The following NCALD variants were observed in gnomAD, a reference collection of about 807,000 sequenced individuals.
NCALD encodes the protein neurocalcin delta.
Under a neutral mutation model 18.6 loss-of-function variants are expected in NCALD, and 10 were observed. That is an observed-to-expected ratio of 0.54 (90% CI 0.33 to 0.91). NCALD has a LOEUF of 0.91. Among genes scored for constraint, NCALD ranks in the 40% least tolerant of loss-of-function variants. The pLI is 0.03. For missense variants in NCALD, 184 were observed against 247.6 expected (o/e 0.74, Z 1.72); for synonymous variants, 88 against 87.4 (o/e 1.01, Z -0.04).
intron 4 of NCALD, among the ~76,000 whole-genome samples, chr8:101,877,266 G>A (rs867610316): frequency 6.6e-6 from 1 of 152,140 alleles, no homozygotes; most frequent in African/African-American, 2.4e-5. Flanking sequence ...CCCAGATTCC[G>A]TATTAATAAC....
intron 1 of NCALD, among the ~76,000 whole-genome samples, chr8:102,068,505 T>C (rs903417322): frequency 6.6e-6 from 1 of 152,178 alleles, no homozygotes; most frequent in African/African-American, 2.4e-5. Context: ...GAGTTGCTAT[T>C]GTCTCAGGTG....
chr8:101,924,890 A>C (rs1291688500), intron 2 of NCALD, among the ~76,000 whole-genome samples: 3 of 152,216 alleles, frequency 2.0e-5, no homozygotes, highest in Admixed American at 2.0e-4. Flanking sequence ...ATATAGATTT[A>C]AGAGGATTCA....
At chr8:102,021,891 A>G (rs1367869094) in intron 1 of NCALD, among the ~76,000 whole-genome samples, 5 of 150,814 alleles carry the variant, frequency 3.3e-5, no homozygotes, top group African/African-American at 7.4e-5. Flanking sequence ...GAAATACTCA[A>G]CCATGTCTGG....
At chr8:101,732,561 T>C (rs1383528723) in intron 1 of NCALD, among the ~76,000 whole-genome samples, 2 of 151,650 alleles carry the variant, frequency 1.3e-5, no homozygotes, top group African/African-American at 4.8e-5. Flanking sequence ...GAGATTCTGG[T>C]TGCAATTCAG....
intron 2 of NCALD, among the ~76,000 whole-genome samples, chr8:101,992,840 G>T (rs1426950985): frequency 2.0e-5 from 3 of 151,686 alleles, no homozygotes; most frequent in Non-Finnish European, 4.4e-5. Flanking sequence ...CCTTTACTGA[G>T]CTCTTACTAT....
chr8:101,746,534 G>A (rs1453653480), intron 1 of NCALD, among the ~76,000 whole-genome samples: 1 of 152,130 alleles, frequency 6.6e-6, no homozygotes, highest in Non-Finnish European at 1.5e-5. Context: ...ATTCAAGGCA[G>A]AGCTTCATAG....
intron 2 of NCALD, among the ~76,000 whole-genome samples, chr8:101,704,477 C>T (rs115777611): frequency 6.0e-4 from 91 of 152,118 alleles, no homozygotes; most frequent in African/African-American, 2.1e-3. Flanking sequence ...TGTGAGAGGC[C>T]GCGGTGACTT....
intron 2 of NCALD, among the ~76,000 whole-genome samples, chr8:101,713,258 C>T (rs1015833871): frequency 2.0e-5 from 3 of 152,186 alleles, no homozygotes; most frequent in African/African-American, 7.2e-5. Flanking sequence ...ATCAGAATCT[C>T]TGGGACACAG....
chr8:101,881,854 G>C (rs1274835386), intron 4 of NCALD, among the ~76,000 whole-genome samples: 1 of 151,666 alleles, frequency 6.6e-6, no homozygotes, highest in Non-Finnish European at 1.5e-5. Context: ...GAGAATTATA[G>C]AACTGCAAAG....
chr8:101,871,323 A>G (rs1291163711), intron 4 of NCALD, among the ~76,000 whole-genome samples: 1 of 152,204 alleles, frequency 6.6e-6, no homozygotes, highest in African/African-American at 2.4e-5. Context: ...AAAAATCTGG[A>G]AAGACACAAA....
At chr8:101,809,283 C>A (rs1160531767) in intron 4 of NCALD, among the ~76,000 whole-genome samples, 2 of 152,176 alleles carry the variant, frequency 1.3e-5, no homozygotes, top group African/African-American at 2.4e-5. Context: ...AAAATCACTA[C>A]AGGAGTAAAA....
intron 2 of NCALD, among the ~76,000 whole-genome samples, chr8:101,942,404 A>G (rs1181375951): frequency 6.6e-6 from 1 of 152,214 alleles, no homozygotes; most frequent in African/African-American, 2.4e-5. Flanking sequence ...CTGTGAAGAG[A>G]TCACAGTCCA....
chr8:102,103,301 C>T (rs1825347545), intron 1 of NCALD, among the ~76,000 whole-genome samples: 1 of 152,146 alleles, frequency 6.6e-6, no homozygotes, highest in African/African-American at 2.4e-5. Context: ...TGAGTGTTTG[C>T]TTACTACAGG....
intron 4 of NCALD, chr8:101,852,700 T>C (rs1251621417): frequency 6.6e-6 from 1 of 152,182 alleles, no homozygotes; most frequent in East Asian, 1.9e-4. Context: ...CTCAGAAGCT[T>C]CTCTAAGGCA....
intron 1 of NCALD, among the ~76,000 whole-genome samples, chr8:101,780,509 TC>T (rs1436512947): frequency 6.6e-6 from 1 of 152,144 alleles, no homozygotes; most frequent in Non-Finnish European, 1.5e-5. Context: ...TATTTTAAAT[TC>T]CCTCAAAATG....
chr8:102,034,779 C>T (rs1357980068), intron 1 of NCALD, among the ~76,000 whole-genome samples: 3 of 152,122 alleles, frequency 2.0e-5, no homozygotes, highest in South Asian at 4.2e-4. Flanking sequence ...AGAAGTGGAC[C>T]GTGACACAAC....
rs543211082 is a variant in NCALD, at chr8:101,911,262, T to C, written c.-107+4547A>G. On this transcript the variant is annotated intron_variant, in intron 3 of 6. Transcript: ENST00000311028. ...TAGAGAAAAGAAAAATATAGGCATG[T>C]AGAGACTTGAAAAAAAAAAGAGGAG... Among the ~76,000 whole-genome samples, 17 of 147,572 alleles carry C rather than the reference T, an allele frequency of 1.2e-4. No homozygotes were observed. The East Asian group carries it at 3.4e-3, about 29-fold the overall frequency.
chr8:101,883,205 C>T (rs1253662599), intron 4 of NCALD, among the ~76,000 whole-genome samples: 1 of 152,134 alleles, frequency 6.6e-6, no homozygotes, highest in African/African-American at 2.4e-5. Context: ...GACACTCTGA[C>T]TCGACAAAAA....
chr8:101,824,610 G>A (rs1218649126), intron 4 of NCALD, among the ~76,000 whole-genome samples: 1 of 151,954 alleles, frequency 6.6e-6, no homozygotes, highest in African/African-American at 2.4e-5. Context: ...AGAATTGAGT[G>A]ACTACTATTT....
Sources: allele counts gnomAD v4.1 joint callset (sites outside exome capture counted in the v4.1 genomes callset), GRCh38; gene constraint gnomAD v4.1.1; transcripts MANE v1.5; gene names NCBI Gene and HGNC (gene_info 2026-07-23, HGNC 2026-07-21).